Variants in RNF19A observed in about 807,000 individuals in gnomAD.
RNF19A encodes E3 ubiquitin-protein ligase RNF19A.
In RNF19A, 32 loss-of-function variants were observed where a neutral mutation model predicts 75.7. The observed-to-expected ratio is 0.42, with a 90% confidence interval of 0.32 to 0.57. The LOEUF (loss-of-function observed/expected upper bound fraction) is 0.57, where lower values mean the gene tolerates loss of function less well. RNF19A is among the 20% of genes least tolerant of loss of function. RNF19A has a pLI of 0.10. For synonymous variants in RNF19A, 335 were observed against 345.2 expected, an observed-to-expected ratio of 0.97 and a Z score of 0.33; for missense variants, 782 against 1,036.3, an observed-to-expected ratio of 0.75 and a Z score of 3.37.
chr8:100,315,583 T>C (rs1027160519), intron 1 of RNF19A, among the ~76,000 whole-genome samples: 13 of 152,226 alleles, frequency 8.5e-5, no homozygotes, highest in African/African-American at 2.9e-4. Flanking sequence ...TGACTAAATA[T>C]ACTGATTTCC....
At chr8:100,309,760 C>G (rs115684133) in intron 1 of RNF19A, 107 bp downstream of exon 1, 50 of 985,312 alleles carry the variant, frequency 5.1e-5, no homozygotes, top group Non-Finnish European at 6.0e-5. Flanking sequence ...CTGTCCCGGG[C>G]AGGGGCGCTA....
chr8:100,318,724 C>G (rs1822420726), intron 1 of RNF19A, among the ~76,000 whole-genome samples: 1 of 152,186 alleles, frequency 6.6e-6, no homozygotes. Flanking sequence ...AGATATGACC[C>G]AGAAGCTTGA....
At chr8:100,263,230 A>G (rs1354977371) in intron 7 of RNF19A, among the ~76,000 whole-genome samples, 4 of 152,202 alleles carry the variant, frequency 2.6e-5, no homozygotes, top group Non-Finnish European at 5.9e-5. Context: ...GAACCAGCAA[A>G]GATTAATGAG....
At chr8:100,280,683 C>G (rs544987217) in intron 2 of RNF19A, among the ~76,000 whole-genome samples, 11 of 152,202 alleles carry the variant, frequency 7.2e-5, no homozygotes, top group Non-Finnish European at 1.2e-4. Context: ...CACACTAACA[C>G]TTATTGAGTG....
intron 2 of RNF19A, among the ~76,000 whole-genome samples, chr8:100,285,980 GTTT>G (rs537213197): frequency 2.0e-3 from 305 of 152,090 alleles, no homozygotes; most frequent in African/African-American, 6.8e-3. Flanking sequence ...CTCACAAAAA[GTTT>G]TTTTAAAACT....
In RNF19A at chr8:100,257,125, A is replaced by C. The variant is rs924780634; in HGVS notation, c.*1431T>G. On this transcript the variant is annotated 3_prime_UTR_variant, in exon 10 of 10. Coordinates refer to ENST00000341084, the MANE Select transcript of RNF19A (RefSeq NM_183419.4). ...GTTTACACACTCATTATTAAACAAAATTGGAATGCAAACAAATATACAAAT... is the reference window on the plus strand; with the variant it reads ...GTTTACACACTCATTATTAAACAAACTTGGAATGCAAACAAATATACAAAT... 6.5e-6 allele frequency: 1 copy of C among 152,678 alleles called. No homozygotes were observed. The highest frequency in any genetic ancestry group is 2.4e-5 in the African/African-American group (1 of 41,472). 9.5% of individuals were successfully genotyped at this position (152,678 alleles called of 1,614,324 possible).
intron 2 of RNF19A, among the ~76,000 whole-genome samples, chr8:100,280,722 T>A (rs747099105): frequency 1.3e-5 from 2 of 152,248 alleles, no homozygotes; most frequent in African/African-American, 2.4e-5. Context: ...CACATTCATA[T>A]GTATTCAATC....
rs993382769 is a variant in RNF19A at position 100,257,789 on chromosome 8, G to A, written c.*767C>T. On this transcript the variant is annotated 3_prime_UTR_variant, in exon 10 of 10. Coordinates refer to ENST00000341084, the MANE Select transcript of RNF19A (RefSeq NM_183419.4). ...TCAATGGGGTACAAACTTCCCCTTA[G>A]AGAAAGGTGGATTTTTTGTAATACT... 5 of 376,098 alleles carry A rather than the reference G, an allele frequency of 1.3e-5. No individual in the cohort carries two copies. The highest frequency in any genetic ancestry group is 1.0e-4 in the African/African-American group (5 of 48,124). The allele number at this position is 376,098 out of a possible 1,614,324, so 23.3% of individuals were successfully genotyped here. A position where few individuals can be genotyped will look rare whatever the true frequency, so the allele number is the denominator to read the frequency against.
chr8:100,308,918 G>A (rs1316718639), intron 1 of RNF19A, among the ~76,000 whole-genome samples: 1 of 152,182 alleles, frequency 6.6e-6, no homozygotes, highest in Non-Finnish European at 1.5e-5. Context: ...AGCATCGTTC[G>A]TGTATTTATA....
At chr8:100,292,985 G>A (rs747523812) in intron 1 of RNF19A, among the ~76,000 whole-genome samples, 8 of 152,128 alleles carry the variant, frequency 5.3e-5, no homozygotes, top group Non-Finnish European at 2.9e-5. Context: ...ATGGAGGTGG[G>A]GGGTGGGAGC....
Position 100,264,309 on chromosome 8 carries a change from T to A in RNF19A, c.1307-114A>T. The A allele has an allele frequency of 1.1e-6, 1 of 914,320 alleles. No individual in the cohort carries two copies. Among genetic ancestry groups the A allele is most frequent in the Non-Finnish European group, 1.6e-6 (1 of 625,524 alleles). The allele number at this position is 914,320 out of a possible 1,614,324, so 56.6% of individuals were successfully genotyped here. On this transcript the variant is annotated intron_variant, in intron 6 of 9. Coordinates refer to ENST00000341084, the MANE Select transcript of RNF19A (RefSeq NM_183419.4). This position sits in a 1 kb window ranked among gnomAD's most constrained non-coding sequence, Gnocchi z 4.7. ...CATACAGAGAAAAGCGCCAGGGTTC[T>A]GAAGAGTTGGCTGGAACATTTGCCA...
intron 1 of RNF19A, among the ~76,000 whole-genome samples, chr8:100,291,385 G>C (rs191090058): frequency 2.0e-5 from 3 of 152,178 alleles, no homozygotes; most frequent in Non-Finnish European, 2.9e-5. Context: ...ATTACTCTGT[G>C]ATCCTTAAGC....
intron 2 of RNF19A, among the ~76,000 whole-genome samples, chr8:100,285,288 CTGTTT>C: frequency 6.6e-6 from 1 of 152,174 alleles, no homozygotes; most frequent in Non-Finnish European, 1.5e-5. Context: ...CCTCTGTAAT[CTGTTT>C]TGATTTTAAT....
At chr8:100,263,160 A>AT (rs1283080485) in intron 7 of RNF19A, among the ~76,000 whole-genome samples, 3 of 152,158 alleles carry the variant, frequency 2.0e-5, no homozygotes, top group Non-Finnish European at 4.4e-5. Flanking sequence ...GTGTAGATAC[A>AT]TAAGAATTCT....
chr8:100,304,149 A>G (rs1821966502), intron 1 of RNF19A, among the ~76,000 whole-genome samples: 1 of 151,910 alleles, frequency 6.6e-6, no homozygotes, highest in African/African-American at 2.4e-5. Context: ...TTTAGTAGAG[A>G]CAGGGTTTCA....
upstream of RNF19A, chr8:100,310,392 T>A: frequency 3.5e-6 from 1 of 289,122 alleles, no homozygotes; most frequent in Non-Finnish European, 5.2e-6. Context: ...GGTGTCTCCC[T>A]GGCCGGTTCT....
intron 5 of RNF19A, among the ~76,000 whole-genome samples, chr8:100,265,328 A>T (rs1312389037): frequency 6.6e-6 from 1 of 152,220 alleles, no homozygotes; most frequent in Non-Finnish European, 1.5e-5. Flanking sequence ...CAAATGACTC[A>T]AATTCCAGGG....
chr8:100,259,769 C>G lies in RNF19A; in HGVS notation c.1826+85G>C. 7.9e-7 allele frequency: 1 copy of G among 1,272,400 alleles called. No homozygotes were observed. The allele number at this position is 1,272,400 out of a possible 1,614,324, so 78.8% of individuals were successfully genotyped here. ...CAGAGAACTTAATAGTTGGTAGCCA[C>G]TTTTCACTGGTAATTTGTCTAATGA... On this transcript the variant is annotated intron_variant, in intron 9 of 9. Transcript: ENST00000341084. This position sits in a 1 kb window ranked among gnomAD's most constrained non-coding sequence, Gnocchi z 4.5.
At position 100,264,822 on chromosome 8, in the gene RNF19A, G is replaced by A; in HGVS notation, c.1192-37C>T. 2 of 1,384,924 alleles carry A rather than the reference G, an allele frequency of 1.4e-6. No homozygotes were observed. The highest frequency in any genetic ancestry group is 2.1e-6 in the Non-Finnish European group (2 of 974,032). The allele number at this position is 1,384,924 out of a possible 1,614,324, so 85.8% of individuals were successfully genotyped here. ...AAAAATAGGGGTGGGGGATTAAAGA[G>A]AAAATACATTACAATTTAACTTAGT... is the stretch of plus-strand genomic sequence containing the variant. On this transcript the variant is annotated intron_variant, in intron 5 of 9. Coordinates refer to ENST00000341084, the MANE Select transcript of RNF19A (RefSeq NM_183419.4). The surrounding 1 kb of genome is among the most constrained non-coding windows in gnomAD (Gnocchi z 4.7).
Sources: allele counts gnomAD v4.1 joint callset (sites outside exome capture counted in the v4.1 genomes callset), GRCh38; gene constraint gnomAD v4.1.1; non-coding constraint Gnocchi (gnomAD v3.1); transcripts MANE v1.5; gene names NCBI Gene and HGNC (gene_info 2026-07-23, HGNC 2026-07-21).